MCPH1: variants seen among roughly 807,000 people sequenced by gnomAD.
The protein encoded by MCPH1 is microcephalin.
In MCPH1, 104 loss-of-function variants were observed where a neutral mutation model predicts 84.5. The ratio of observed to expected loss-of-function variants is 1.23; its 90% CI spans 1.05 to 1.45. The LOEUF (loss-of-function observed/expected upper bound fraction) is 1.45. MCPH1 is among the 40% of genes most tolerant of loss of function. The pLI is 0.00. For synonymous variants in MCPH1, 514 were observed against 366.8 expected, an observed-to-expected ratio of 1.40 and a Z score of -4.58; for missense variants, 1,498 against 1,005.7, an observed-to-expected ratio of 1.49 and a Z score of -6.62.
intron 9 of MCPH1, among the ~76,000 whole-genome samples, chr8:6,455,464 A>C (rs936396427): frequency 1.3e-5 from 2 of 152,220 alleles, no homozygotes; most frequent in Admixed American, 1.3e-4. Context: ...AAGCTTTCTC[A>C]TATCACTTTG....
intron 12 of MCPH1, among the ~76,000 whole-genome samples, chr8:6,589,418 C>T (rs1828266369): frequency 6.6e-6 from 1 of 152,092 alleles, no homozygotes; most frequent in South Asian, 2.1e-4. Flanking sequence ...TCTTTGTATC[C>T]AATGAGTTCA....
chr8:6,579,511 C>A (rs955924018), intron 12 of MCPH1, among the ~76,000 whole-genome samples: 1 of 152,094 alleles, frequency 6.6e-6, no homozygotes, highest in Admixed American at 6.6e-5. Context: ...TTTTCTGGGG[C>A]GTTCTAATGA....
intron 8 of MCPH1, among the ~76,000 whole-genome samples, chr8:6,450,121 T>G (rs183655819): frequency 6.6e-6 from 1 of 152,350 alleles, no homozygotes; most frequent in African/African-American, 2.4e-5. Flanking sequence ...CTGAGCAATT[T>G]GGTCATGTCC....
At position 6,428,078 on chromosome 8, in the gene MCPH1, C is replaced by G. The variant is rs138371011; in HGVS notation, c.234-3421C>G. ...ATTACAGGTGTGAGCCACCACGCCT[C>G]GCCTATACTGTATTTTTTTTTTATT... On this transcript the variant is annotated intron_variant, in intron 3 of 13. Transcript: ENST00000344683. Among the ~76,000 whole-genome samples, 7 of 151,958 alleles carry G rather than the reference C, an allele frequency of 4.6e-5. No individual in the cohort carries two copies. The South Asian group carries it at 1.5e-3, about 32-fold the overall frequency.
At chr8:6,555,004 G>A (rs1435484184) in intron 12 of MCPH1, among the ~76,000 whole-genome samples, 7 of 152,134 alleles carry the variant, frequency 4.6e-5, no homozygotes, top group Non-Finnish European at 1.0e-4. Context: ...TAGAGTCCAG[G>A]CAGTGGTAGG....
chr8:6,579,941 G>A (rs1827417957), intron 12 of MCPH1, among the ~76,000 whole-genome samples: 1 of 152,164 alleles, frequency 6.6e-6, no homozygotes, highest in South Asian at 2.1e-4. Flanking sequence ...GCTGGGCCAG[G>A]ACGCTGCCAC....
At chr8:6,414,276 G>T (rs1296935488) in intron 2 of MCPH1, among the ~76,000 whole-genome samples, 1 of 152,220 alleles carries the variant, frequency 6.6e-6, no homozygotes, top group Non-Finnish European at 1.5e-5. Context: ...CCAAAGTGCT[G>T]GGATTACAGG....
At chr8:6,578,508 T>A (rs898868255) in intron 12 of MCPH1, among the ~76,000 whole-genome samples, 1 of 152,142 alleles carries the variant, frequency 6.6e-6, no homozygotes, top group African/African-American at 2.4e-5. Context: ...AAGGGAAAAA[T>A]ACTTGATCAT....
rs536526550 is a variant in MCPH1 at position 6,468,027 on chromosome 8, G to T, written c.1936-9567G>T. On this transcript the variant is annotated intron_variant, in intron 9 of 13. Coordinates refer to ENST00000344683, the MANE Select transcript of MCPH1 (RefSeq NM_024596.5). ...AAGTTCAGCCCATTTGCTTTGGTGA[G>T]TTTGGGGTTATACTTAGAGTGGGTA... Among the ~76,000 whole-genome samples the T allele has an allele frequency of 3.9e-5, 6 of 152,332 alleles. No homozygotes were observed. In the East Asian group the frequency reaches 1.2e-3, roughly 29 times the overall value.
intron 12 of MCPH1, chr8:6,621,132 G>T: frequency 2.5e-6 from 1 of 392,170 alleles, no homozygotes; most frequent in South Asian, 2.3e-5. Context: ...TGAGAGTTCA[G>T]CCTAGCTATG....
chr8:6,416,762 G>C (rs1033988118), intron 3 of MCPH1, among the ~76,000 whole-genome samples: 1 of 152,066 alleles, frequency 6.6e-6, no homozygotes, highest in Non-Finnish European at 1.5e-5. Flanking sequence ...GGGAGGCCGA[G>C]GGGGGTGGAT....
At chr8:6,455,852 A>C (rs1164892599) in intron 9 of MCPH1, among the ~76,000 whole-genome samples, 1 of 152,180 alleles carries the variant, frequency 6.6e-6, no homozygotes, top group African/African-American at 2.4e-5. Context: ...CCTCATTTTT[A>C]TGAGGCCAAA....
At chr8:6,493,308 G>A (rs1420208447) in intron 11 of MCPH1, among the ~76,000 whole-genome samples, 1 of 152,136 alleles carries the variant, frequency 6.6e-6, no homozygotes, top group Non-Finnish European at 1.5e-5. Context: ...AAAGGATTAG[G>A]TAGAATGCAA....
At chr8:6,460,088 T>A in intron 9 of MCPH1, among the ~76,000 whole-genome samples, 1 of 152,252 alleles carries the variant, frequency 6.6e-6, no homozygotes, top group East Asian at 1.9e-4. Flanking sequence ...TCACAGGCCG[T>A]CCTGTCTTTG....
At chr8:6,546,941 A>G (rs1382629333) in intron 12 of MCPH1, among the ~76,000 whole-genome samples, 1 of 152,216 alleles carries the variant, frequency 6.6e-6, no homozygotes, top group East Asian at 1.9e-4. Flanking sequence ...AAAAACAGCC[A>G]TGTTCCTTGC....
chr8:6,537,133 C>G lies in MCPH1; in HGVS notation c.2214+37204C>G, dbSNP rs541469580. ...ACTTGAACCTCCCGTGGGAGGGGAC[C>G]CGGCTCTTTCCAATTTCACATGCAT... On this transcript the variant is annotated intron_variant, in intron 12 of 13. Transcript: ENST00000344683. Among the ~76,000 whole-genome samples the G allele has an allele frequency of 1.2e-4, 19 of 152,230 alleles. No individual in the cohort carries two copies. The East Asian group carries it at 3.7e-3, about 29-fold the overall frequency.
At chr8:6,576,680 GTATTTTTTTTTTTTTTTTTTTTTTT>G (rs1827138535) in intron 12 of MCPH1, among the ~76,000 whole-genome samples, 4 of 36,340 alleles carry the variant, frequency 1.1e-4, no homozygotes, top group African/African-American at 2.0e-4. Flanking sequence ...GCTAATTTTT[GTATTTTTTTTTTTTTTTTTTTTTTT>G]TTTTTTTTTT....
chr8:6,592,614 C>CTTTTTTT lies in MCPH1; in HGVS notation c.2215-28838_2215-28832dup, dbSNP rs1252024553. Reference sequence around the variant, plus strand: ...GTCATCTAGGCTCTCGTTTTTCTTTCTTTTTTTTGTTTTTTTTTTTTTTTT... The same window carrying CTTTTTTT: ...GTCATCTAGGCTCTCGTTTTTCTTTCTTTTTTTTTTTTTTTGTTTTTTTTTTTTTTTT... On this transcript the variant is annotated intron_variant, in intron 12 of 13. Transcript: ENST00000344683. Among the ~76,000 whole-genome samples the CTTTTTTT allele has an allele frequency of 2.9e-3, 188 of 65,440 alleles. 7 individuals are homozygous for CTTTTTTT. Among genetic ancestry groups the CTTTTTTT allele is most frequent in the Middle Eastern group, 9.4e-3 (1 of 106 alleles). The allele number at this position is 65,440 out of a possible 152,430, so 42.9% of individuals were successfully genotyped here. A position where few individuals can be genotyped will look rare whatever the true frequency, so the allele number is the denominator to read the frequency against.
At chr8:6,518,203 A>T (rs1018723855) in intron 12 of MCPH1, among the ~76,000 whole-genome samples, 1 of 152,176 alleles carries the variant, frequency 6.6e-6, no homozygotes. Context: ...TGTCCATGGC[A>T]TCCCCATTTC....
Sources: allele counts gnomAD v4.1 joint callset (sites outside exome capture counted in the v4.1 genomes callset), GRCh38; gene constraint gnomAD v4.1.1; transcripts MANE v1.5; gene names NCBI Gene and HGNC (gene_info 2026-07-23, HGNC 2026-07-21).